CNKSR2: variants seen among roughly 807,000 people sequenced by gnomAD.
The protein encoded by CNKSR2 is CNK homolog protein 2.
In CNKSR2, 14 loss-of-function variants were observed where a neutral mutation model predicts 84.4. The observed-to-expected ratio is 0.17, with a 90% CI of 0.11 to 0.26. The LOEUF is 0.26. Ranked by LOEUF, CNKSR2 falls within the 10% of genes least tolerant of loss-of-function variation. The probability of loss-of-function intolerance (pLI) is 1.00; values close to 1 mark genes in which losing one functional copy is unlikely to be tolerated. For missense variants in CNKSR2, 485 were observed against 771.2 expected (o/e 0.63, Z 4.40); for synonymous variants, 275 against 277.9 (o/e 0.99, Z 0.10).
At chrX:21,648,388 TAATC>T (rs1203840092) in intron 20 of CNKSR2, among the ~76,000 whole-genome samples, 5 of 111,783 alleles carry the variant, frequency 4.5e-5, no homozygotes, top group Non-Finnish European at 9.4e-5. Context: ...CGAGCTCTAT[TAATC>T]AGCATTTCTA....
At chrX:21,636,582 G>T (rs906743280) in intron 20 of CNKSR2, among the ~76,000 whole-genome samples, 2 of 111,343 alleles carry the variant, frequency 1.8e-5, no homozygotes, top group Non-Finnish European at 3.8e-5. Flanking sequence ...GGAGTTTAAT[G>T]TGATTCTTCT....
intron 11 of CNKSR2, among the ~76,000 whole-genome samples, chrX:21,547,072 A>T (rs1311767055): frequency 8.9e-6 from 1 of 111,977 alleles, no homozygotes; most frequent in East Asian, 2.8e-4. Context: ...AAATTCTCAC[A>T]TAACAATATT....
At chrX:21,551,101 A>C (rs2092086730) in intron 11 of CNKSR2, among the ~76,000 whole-genome samples, 1 of 111,151 alleles carries the variant, frequency 9.0e-6, no homozygotes, top group East Asian at 2.8e-4. Flanking sequence ...CATTCTCAGC[A>C]AACTAACACA....
At chrX:21,648,519 A>C (rs2092711963) in intron 20 of CNKSR2, among the ~76,000 whole-genome samples, 1 of 111,186 alleles carries the variant, frequency 9.0e-6, no homozygotes, top group South Asian at 3.8e-4. Flanking sequence ...TGGACTCAAG[A>C]TATATATGGC....
At chrX:21,605,115 ACAGACT>A (rs1282974861) in intron 18 of CNKSR2, among the ~76,000 whole-genome samples, 3 of 111,725 alleles carry the variant, frequency 2.7e-5, no homozygotes, top group African/African-American at 9.8e-5. Context: ...AGATAACAAA[ACAGACT>A]CAGAGAGGTT....
chrX:21,624,498 G>GTTTGTTTT, intron 20 of CNKSR2, among the ~76,000 whole-genome samples: 1 of 111,522 alleles, frequency 9.0e-6, no homozygotes, highest in Non-Finnish European at 1.9e-5. Context: ...CTACCTCTAA[G>GTTTGTTTT]TTTGTTTTTT....
At chrX:21,613,537 G>C (rs773937375) in intron 20 of CNKSR2, among the ~76,000 whole-genome samples, 1 of 111,943 alleles carries the variant, frequency 8.9e-6, no homozygotes, top group Non-Finnish European at 1.9e-5. Flanking sequence ...TCTTTTAAGG[G>C]GGAATAAAAT....
intron 15 of CNKSR2, chrX:21,592,627 T>A (rs745418571): frequency 1.5e-4 from 17 of 111,190 alleles, no homozygotes; most frequent in Non-Finnish European, 2.6e-4. Flanking sequence ...ATTTGTAAAA[T>A]CTTGAATTAA....
intron 13 of CNKSR2, among the ~76,000 whole-genome samples, chrX:21,572,786 G>A (rs193117087): frequency 2.4e-4 from 27 of 111,354 alleles, no homozygotes; most frequent in Non-Finnish European, 4.3e-4. Context: ...TATAATTCAA[G>A]ATGAGATTTG....
chrX:21,428,646 G>T (rs1319966994), intron 2 of CNKSR2: 1 of 110,918 alleles, frequency 9.0e-6, no homozygotes, highest in Non-Finnish European at 1.9e-5. Context: ...TATATATATA[G>T]CTTAACGTAT....
At chrX:21,613,864 G>A (rs766569980) in intron 20 of CNKSR2, among the ~76,000 whole-genome samples, 2 of 108,142 alleles carry the variant, frequency 1.8e-5, no homozygotes, top group East Asian at 2.9e-4. Flanking sequence ...GCTTGAACCC[G>A]GGAGGTGGAG....
intron 3 of CNKSR2, among the ~76,000 whole-genome samples, chrX:21,440,294 G>T (rs984671092): frequency 9.0e-6 from 1 of 111,437 alleles, no homozygotes; most frequent in Non-Finnish European, 1.9e-5. Flanking sequence ...CTTAGCAGTT[G>T]TTATTACTAG....
intron 13 of CNKSR2, among the ~76,000 whole-genome samples, chrX:21,583,204 C>A (rs140886223): frequency 9.0e-6 from 1 of 111,578 alleles, no homozygotes; most frequent in Non-Finnish European, 1.9e-5. Context: ...GAAAGACCTA[C>A]GGTGTGTGCA....
rs1298310488 is a variant in CNKSR2 at position 21,526,959 on chromosome X, T to C, written c.1050T>C (p.Asp350=). ...PTKRDSSALQ[D]LYIPPPPAEP... ...AAAGAGACAGTTCTGCCCTCCAGGA[T>C]CTCTACATTCCCCCTCCTCCTGCAG... is the stretch of plus-strand genomic sequence containing the variant. Residue 350 remains aspartate (D), a synonymous_variant, in exon 10 of 22, where the codon GAT becomes GAC. Transcript: ENST00000379510. 3 of 1,206,072 alleles carry C rather than the reference T, an allele frequency of 2.5e-6. No individual in the cohort carries two copies. The highest frequency in any genetic ancestry group is 3.4e-6 in the Non-Finnish European group (3 of 891,180).
chrX:21,564,299 G>A (rs1323499779), intron 13 of CNKSR2, among the ~76,000 whole-genome samples: 2 of 111,505 alleles, frequency 1.8e-5, no homozygotes, highest in South Asian at 3.8e-4. Flanking sequence ...GGGAACTTGC[G>A]TGATCAAATC....
chrX:21,507,640 GC>G (rs2091626997), intron 8 of CNKSR2, among the ~76,000 whole-genome samples: 1 of 111,325 alleles, frequency 9.0e-6, no homozygotes, highest in Non-Finnish European at 1.9e-5. Context: ...TTTCAAATAA[GC>G]ATATTTTTGT....
chrX:21,375,036 G>A (rs931072225), intron 1 of CNKSR2, 75 bp downstream of exon 1: 21 of 888,079 alleles, frequency 2.4e-5, no homozygotes, highest in Non-Finnish European at 3.5e-5. Flanking sequence ...GGGGGCGCCC[G>A]CCGCGCCAGA....
At chrX:21,471,564 G>T (rs2091198839) in intron 5 of CNKSR2, among the ~76,000 whole-genome samples, 2 of 112,301 alleles carry the variant, frequency 1.8e-5, no homozygotes, top group African/African-American at 6.5e-5. Context: ...TTTCTGAAAT[G>T]TTTGAATATT....
chrX:21,428,959 A>G (rs1297187788), intron 2 of CNKSR2: 3 of 112,282 alleles, frequency 2.7e-5, no homozygotes, highest in South Asian at 7.3e-4. Context: ...ATGCATTCAA[A>G]TTAAGAACTC....
Sources: allele counts gnomAD v4.1 joint callset (sites outside exome capture counted in the v4.1 genomes callset), GRCh38; gene constraint gnomAD v4.1.1; transcripts MANE v1.5; gene names NCBI Gene and HGNC (gene_info 2026-07-23, HGNC 2026-07-21).